Variants in CBARP observed in about 807,000 individuals in gnomAD.
CBARP encodes CACN subunit beta associated regulatory protein, also known as voltage-dependent calcium channel beta subunit-associated regulatory protein.
Under a neutral mutation model 36.3 loss-of-function variants are expected in CBARP, and 24 were observed. The ratio of observed to expected loss-of-function variants is 0.66; its 90% confidence interval spans 0.48 to 0.93. The LOEUF is 0.93. Among genes scored for constraint, CBARP ranks in the 40% least tolerant of loss-of-function variants. The pLI is 0.00. For missense variants in CBARP, 1,146 were observed against 980.4 expected (o/e 1.17, Z -2.26); for synonymous variants, 586 against 453.2 (o/e 1.29, Z -3.72).
Position 1,235,540 on chromosome 19 carries a change from T to C in CBARP, c.271A>G (p.Thr91Ala). ...NRAMEEAEKT[T>A]TTYLDNGTHP... is the part of the protein sequence containing the mutation. ...GTGCCGTTGTCCAGGTAGGTGGTGG[T>C]GGTCTTCTCCGCTTCCTCCATGGCC... The change falls in exon 4 of 10, where the codon ACC (threonine) becomes GCC (alanine). Residue 91 changes from threonine to alanine, a missense_variant. Transcript: ENST00000650044. 6.2e-7 allele frequency: 1 copy of C among 1,606,770 alleles called. No individual in the cohort carries two copies. The highest frequency in any genetic ancestry group is 8.5e-7 in the Non-Finnish European group (1 of 1,177,314).
Position 1,235,867 on chromosome 19 carries a change from A to ACAT in CBARP, c.154_156dup (p.Met52dup), listed in dbSNP as rs1367126457. ...ACCAGCGTGCCCCCCACGAACAGCGACATCACCACCACCAGCAGCACGTAG... is the reference window on the plus strand; with the variant it reads ...ACCAGCGTGCCCCCCACGAACAGCGACATCATCACCACCACCAGCAGCACGTAG... On this transcript the variant is annotated inframe_insertion, in exon 3 of 10. Coordinates refer to ENST00000650044, the MANE Select transcript of CBARP (RefSeq NM_001393918.1). 3 of 1,612,242 alleles carry ACAT rather than the reference A, an allele frequency of 1.9e-6. No homozygotes were observed. Among genetic ancestry groups the ACAT allele is most frequent in the Non-Finnish European group, 2.5e-6 (3 of 1,179,912 alleles).
In CBARP at chr19:1,235,735, CA is replaced by C. The variant is rs768362364; in HGVS notation, c.245+43del. On this transcript the variant is annotated intron_variant, in intron 3 of 9. Coordinates refer to ENST00000650044, the MANE Select transcript of CBARP (RefSeq NM_001393918.1). ...AGACCCCCCACCACCCGATGGCACC[CA>C]CAACCACCATGCACCTGCCCAGCCG... 6.2e-6 allele frequency: 10 copies of C among 1,605,158 alleles called. No homozygotes were observed. In the Admixed American group the frequency reaches 1.3e-4, roughly 21 times the overall value.
intron 6 of CBARP, 29 bp from the exon 7 acceptor site, chr19:1,234,360 A>G (rs1433519763): frequency 7.0e-7 from 1 of 1,437,924 alleles, no homozygotes. Flanking sequence ...TGGGGGAGGA[A>G]GCAGTGACAG....
chr19:1,233,721 C>G (rs988566281), intron 7 of CBARP, 85 bp from the exon 8 acceptor site: 3 of 1,314,048 alleles, frequency 2.3e-6, no homozygotes, highest in Non-Finnish European at 3.1e-6. Flanking sequence ...GTCTGAGAGA[C>G]AGTCCCAAGG....
chr19:1,231,183 G>T lies in CBARP; in HGVS notation c.1072C>A (p.Gln358Lys). ...EGDAPQEDFI[Q>K]YIARAGDAVA... ...GCGTCGCCCGCCCGGGCAATGTACT[G>T]GATGAAGTCCTCCTGGGGGGCATCC... The change falls in exon 9 of 10, where the codon CAG (glutamine) becomes AAG (lysine). Residue 358 changes from glutamine (Q) to lysine (K), a missense_variant. Transcript: ENST00000650044. 6.2e-7 allele frequency: 1 copy of T among 1,604,150 alleles called. No individual in the cohort carries two copies.
In CBARP at chr19:1,235,925, G is replaced by A. The variant is rs1028797236; in HGVS notation, c.106-7C>T. 6.2e-7 allele frequency: 1 copy of A among 1,608,036 alleles called. No homozygotes were observed. Among genetic ancestry groups the A allele is most frequent in the African/African-American group, 1.3e-5 (1 of 74,976 alleles). ...GGATGGGGTCTGGCTCTGCCTGCGG[G>A]TGTGCAGGGGGGGTCAGGTGCTGCT... is the stretch of plus-strand genomic sequence containing the variant. On this transcript the variant is annotated splice_region_variant and splice_polypyrimidine_tract_variant and intron_variant, in intron 2 of 9. Transcript: ENST00000650044.
rs1426628283 is a variant in CBARP at position 1,236,854 on chromosome 19, G to GT, written c.-21-734_-21-733insA. On this transcript the variant is annotated intron_variant, in intron 1 of 9. Coordinates refer to ENST00000650044, the MANE Select transcript of CBARP (RefSeq NM_001393918.1). ...AGGGGGCGCGGGGGCGGCGGCCTGG[G>GT]GGGGGGCGGCGGCCTCGGGGGGGCG... 2.7e-5 allele frequency among the ~76,000 whole-genome samples: 4 copies of GT among 146,564 alleles called. No homozygotes were observed. In the East Asian group the frequency reaches 6.0e-4, roughly 22 times the overall value.
At chr19:1,232,209 TCA>T in intron 8 of CBARP, among the ~76,000 whole-genome samples, 1 of 152,206 alleles carries the variant, frequency 6.6e-6, no homozygotes, top group East Asian at 1.9e-4. Context: ...ATGTCTCTAG[TCA>T]CCCCTGGGCC....
In CBARP at chr19:1,229,681, T is replaced by C. The variant is rs1430095438; in HGVS notation, c.1616A>G (p.Asp539Gly). 1.9e-6 allele frequency: 2 copies of C among 1,080,932 alleles called. No homozygotes were observed. Among genetic ancestry groups the C allele is most frequent in the South Asian group, 2.0e-5 (1 of 50,884 alleles). The allele number at this position is 1,080,932 out of a possible 1,614,324, so 67.0% of individuals were successfully genotyped here. ...GTCCGTCTTCTCGTCGATGCTGTAGTCGCGGCGCGGGCGGCGGGGCCAGGC... is the reference window on the plus strand; with the variant it reads ...GTCCGTCTTCTCGTCGATGCTGTAGCCGCGGCGCGGGCGGCGGGGCCAGGC... ...PRAWPRRPRR[D>G]YSIDEKTDAL... The change falls in exon 10 of 10, where the codon GAC becomes GGC. Residue 539 changes from aspartate to glycine, a missense_variant. Transcript: ENST00000650044. The surrounding 1 kb of genome is among the most constrained non-coding windows in gnomAD (Gnocchi z 5.1).
intron 1 of CBARP, among the ~76,000 whole-genome samples, chr19:1,236,513 G>A (rs1330491217): frequency 6.6e-6 from 1 of 152,082 alleles, no homozygotes; most frequent in Non-Finnish European, 1.5e-5. Flanking sequence ...GACTCCAGAC[G>A]CCCTGTCCGC....
intron 1 of CBARP, among the ~76,000 whole-genome samples, 151 bp from the exon 2 acceptor site, chr19:1,236,272 C>A (rs950061163): frequency 6.6e-6 from 1 of 152,174 alleles, no homozygotes; most frequent in African/African-American, 2.4e-5. Flanking sequence ...AGCCTCCACC[C>A]GGCTTGGCTC....
intron 7 of CBARP, 130 bp downstream of exon 7, chr19:1,234,061 G>T: frequency 1.8e-6 from 2 of 1,127,674 alleles, no homozygotes; most frequent in Non-Finnish European, 1.2e-6. Flanking sequence ...CGTGTGCAAT[G>T]ACCCGGCGGG....
At position 1,234,634 on chromosome 19, in the gene CBARP, C is replaced by A. The variant is rs2145455908; in HGVS notation, c.564G>T (p.Glu188Asp). 6.2e-7 allele frequency: 1 copy of A among 1,610,666 alleles called. No homozygotes were observed. Among genetic ancestry groups the A allele is most frequent in the Non-Finnish European group, 8.5e-7 (1 of 1,178,968 alleles). ...GGTGGGGCGTGGTGGCTGAGCTGGC[C>A]TCGCCTGAGTCACACTCGTGGATGG... ...IVTIHECDSG[E>D]ASSATTPHPA... The change falls in exon 6 of 10, where the codon GAG (glutamate) becomes GAT (aspartate). Residue 188 changes from glutamate to aspartate, a missense_variant. Glu to Asp is a conservative substitution (Grantham distance 45). Transcript: ENST00000650044.
chr19:1,234,043 C>T (rs946357483), intron 7 of CBARP, 148 bp downstream of exon 7: 1 of 995,912 alleles, frequency 1.0e-6, no homozygotes, highest in Non-Finnish European at 1.4e-6. Context: ...CCGGCTCCCT[C>T]TTTCTCCCGT....
intron 7 of CBARP, 89 bp from the exon 8 acceptor site, chr19:1,233,725 C>A: frequency 8.1e-7 from 1 of 1,239,434 alleles, no homozygotes; most frequent in African/African-American, 1.5e-5. Context: ...GAGAGACAGT[C>A]CCAAGGGCCC....
intron 1 of CBARP, among the ~76,000 whole-genome samples, chr19:1,236,931 G>T (rs1337119367): frequency 1.3e-5 from 2 of 151,582 alleles, no homozygotes; most frequent in Non-Finnish European, 2.9e-5. Flanking sequence ...GCCCAGCCCG[G>T]GCGCCCGGAG....
intron 1 of CBARP, 106 bp from the exon 2 acceptor site, chr19:1,236,227 G>T: frequency 7.5e-7 from 1 of 1,333,912 alleles, no homozygotes; most frequent in Non-Finnish European, 9.6e-7. Flanking sequence ...CACACAGGGG[G>T]CAGTGACTCA....
At chr19:1,236,678 C>T (rs1002572759) in intron 1 of CBARP, among the ~76,000 whole-genome samples, 3 of 151,982 alleles carry the variant, frequency 2.0e-5, no homozygotes, top group African/African-American at 7.2e-5. Context: ...GTCACGACTC[C>T]GGGAGGTGGA....
chr19:1,233,006 C>T (rs1290118680), intron 8 of CBARP, among the ~76,000 whole-genome samples: 1 of 152,238 alleles, frequency 6.6e-6, no homozygotes, highest in Admixed American at 6.5e-5. Context: ...GGAGGGGCCC[C>T]GGGGGAACCC....
Sources: gnomAD v4.1 joint callset for allele counts (sites outside exome capture counted in the v4.1 genomes callset) on GRCh38, gnomAD v4.1.1 for gene constraint, Gnocchi (gnomAD v3.1) non-coding constraint, MANE v1.5 for transcripts, NCBI Gene and HGNC (gene_info 2026-07-23, HGNC 2026-07-21) for gene names.